CLMP: variants seen among roughly 807,000 people sequenced by gnomAD.
The protein encoded by CLMP is CXADR-like membrane protein.
CLMP carries 27 observed loss-of-function variants against 45.2 expected under a neutral mutation model. The observed-to-expected ratio is 0.60, with a 90% CI of 0.44 to 0.82. CLMP has a LOEUF of 0.82. Among genes scored for constraint, CLMP ranks in the 40% least tolerant of loss-of-function variants. The pLI, the probability that CLMP is intolerant of heterozygous loss-of-function variation, is 0.00. For synonymous variants in CLMP, 167 were observed against 171.4 expected (o/e 0.97, Z 0.20); for missense variants, 403 against 448.4 (o/e 0.90, Z 0.91).
At chr11:123,129,316 G>A (rs1422255696) in intron 1 of CLMP, among the ~76,000 whole-genome samples, 1 of 148,138 alleles carries the variant, frequency 6.8e-6, no homozygotes, top group African/African-American at 2.5e-5. Flanking sequence ...GGCAATGAGT[G>A]AAACTCTGTC....
intron 1 of CLMP, among the ~76,000 whole-genome samples, chr11:123,181,066 T>C (rs1375609061): frequency 6.6e-6 from 1 of 152,050 alleles, no homozygotes; most frequent in African/African-American, 2.4e-5. Context: ...GAAAGAACAA[T>C]GCGCAATCCA....
chr11:123,121,124 C>CT (rs1860810401), intron 1 of CLMP, among the ~76,000 whole-genome samples: 1 of 105,832 alleles, frequency 9.4e-6, no homozygotes, highest in Non-Finnish European at 1.9e-5. Context: ...GAGACTCCGT[C>CT]TCAAAAAAAA....
At chr11:123,086,250 G>T (rs1256337234) in intron 2 of CLMP, among the ~76,000 whole-genome samples, 1 of 152,232 alleles carries the variant, frequency 6.6e-6, no homozygotes, top group Admixed American at 6.5e-5. Flanking sequence ...AATCAAGTGA[G>T]ATTAACAAGG....
chr11:123,126,095 G>C (rs1184276207), intron 1 of CLMP, among the ~76,000 whole-genome samples: 1 of 152,166 alleles, frequency 6.6e-6, no homozygotes, highest in Non-Finnish European at 1.5e-5. Context: ...GGGCCAGCCT[G>C]AATATATTGC....
At chr11:123,077,094 G>A (rs1429606483) in intron 5 of CLMP, among the ~76,000 whole-genome samples, 1 of 149,322 alleles carries the variant, frequency 6.7e-6, no homozygotes, top group African/African-American at 2.5e-5. Context: ...CGCGTCCCGG[G>A]TTCAAGTGAT....
rs138955989 is a variant in CLMP at position 123,121,887 on chromosome 11, G to A, written c.29-23935C>T. Among the ~76,000 whole-genome samples the A allele has an allele frequency of 1.9e-3, 286 of 152,182 alleles. 1 individual carries two copies. The highest frequency in any genetic ancestry group is 3.4e-3 in the Non-Finnish European group (230 of 68,014). ...CCTGAGTAGCTGGTACTGACTACAG[G>A]CACGTGCCCTTGCGTCCGGCTAATT... On this transcript the variant is annotated intron_variant, in intron 1 of 6. Coordinates refer to ENST00000448775, the MANE Select transcript of CLMP (RefSeq NM_024769.5).
chr11:123,177,378 G>T lies in CLMP; in HGVS notation c.28+17535C>A, dbSNP rs187914271. Among the ~76,000 whole-genome samples, 392 of 152,278 alleles carry T rather than the reference G, an allele frequency of 2.6e-3. 1 individual carries two copies. The highest frequency in any genetic ancestry group is 9.3e-3 in the African/African-American group (385 of 41,562). ...CTGTCTCCTGAGCATCTTCTTGGAG[G>T]CTCTGGTGGGTCACTTCATCCTTGC... On this transcript the variant is annotated intron_variant, in intron 1 of 6. Coordinates refer to ENST00000448775, the MANE Select transcript of CLMP (RefSeq NM_024769.5).
chr11:123,113,233 T>C (rs1275504288), intron 1 of CLMP, among the ~76,000 whole-genome samples: 1 of 152,210 alleles, frequency 6.6e-6, no homozygotes, highest in East Asian at 1.9e-4. Context: ...CTGGAGTGCA[T>C]ATTTGTTCAA....
chr11:123,134,034 C>A (rs375961084), intron 1 of CLMP, among the ~76,000 whole-genome samples: 407 of 152,074 alleles, frequency 2.7e-3, no homozygotes, highest in African/African-American at 9.3e-3. Flanking sequence ...CCAAGGTGGG[C>A]GGATCACTTG....
intron 6 of CLMP, among the ~76,000 whole-genome samples, chr11:123,074,338 T>G (rs78240248): frequency 1.3e-5 from 2 of 151,538 alleles, no homozygotes; most frequent in Non-Finnish European, 2.9e-5. Flanking sequence ...CCATGCCTGG[T>G]TATTTATTTA....
intron 1 of CLMP, among the ~76,000 whole-genome samples, chr11:123,171,386 A>G (rs1266046986): frequency 1.3e-5 from 2 of 151,380 alleles, no homozygotes; most frequent in African/African-American, 4.8e-5. Context: ...GTGGGACTGG[A>G]GAAGGGAGGG....
At chr11:123,166,568 G>A in intron 1 of CLMP, among the ~76,000 whole-genome samples, 1 of 152,242 alleles carries the variant, frequency 6.6e-6, no homozygotes, top group Non-Finnish European at 1.5e-5. Context: ...CAGTGTGGGA[G>A]AACAGGTCAG....
At chr11:123,109,243 C>T (rs1243236694) in intron 1 of CLMP, among the ~76,000 whole-genome samples, 2 of 152,136 alleles carry the variant, frequency 1.3e-5, no homozygotes, top group Non-Finnish European at 2.9e-5. Flanking sequence ...ATAGTCTCTC[C>T]TACTCCTTCA....
intron 2 of CLMP, among the ~76,000 whole-genome samples, chr11:123,093,864 T>G (rs998513969): frequency 1.3e-5 from 2 of 152,154 alleles, no homozygotes; most frequent in Admixed American, 6.6e-5. Context: ...ATAGAACAGA[T>G]GGAGCAGCTC....
At chr11:123,155,293 G>A (rs1007230493) in intron 1 of CLMP, among the ~76,000 whole-genome samples, 12 of 152,150 alleles carry the variant, frequency 7.9e-5, no homozygotes, top group Admixed American at 2.0e-4. Context: ...GCTTGGCCTC[G>A]GAAGACCTTT....
intron 1 of CLMP, among the ~76,000 whole-genome samples, chr11:123,168,588 C>T (rs1591484984): frequency 1.3e-5 from 2 of 152,216 alleles, no homozygotes; most frequent in East Asian, 3.9e-4. Flanking sequence ...TCGGCTAACC[C>T]TGACCAATAG....
At chr11:123,144,813 A>C (rs111849258) in intron 1 of CLMP, among the ~76,000 whole-genome samples, 302 of 152,316 alleles carry the variant, frequency 2.0e-3, no homozygotes, top group African/African-American at 6.9e-3. Flanking sequence ...AGCTGATTGC[A>C]TATGGACCTC....
intron 1 of CLMP, among the ~76,000 whole-genome samples, chr11:123,183,344 C>A (rs1212381703): frequency 6.6e-6 from 1 of 152,152 alleles, no homozygotes; most frequent in Non-Finnish European, 1.5e-5. Flanking sequence ...GATTTTCCTG[C>A]CTCAGCCTCC....
At chr11:123,142,379 T>G (rs2135518047) in intron 1 of CLMP, among the ~76,000 whole-genome samples, 1 of 152,296 alleles carries the variant, frequency 6.6e-6, no homozygotes, top group South Asian at 2.1e-4. Context: ...CAGGCACTGC[T>G]TTCCGATATA....
Sources: allele counts gnomAD v4.1 joint callset (sites outside exome capture counted in the v4.1 genomes callset), GRCh38; gene constraint gnomAD v4.1.1; transcripts MANE v1.5; gene names NCBI Gene and HGNC (gene_info 2026-07-23, HGNC 2026-07-21).